Variants in SUCO observed in about 807,000 individuals in gnomAD.
SUCO encodes the protein SUN domain-containing ossification factor.
Under a neutral mutation model 148.1 loss-of-function variants are expected in SUCO, and 57 were observed. That is an observed-to-expected ratio of 0.38 (90% confidence interval 0.31 to 0.48). SUCO has a LOEUF of 0.48. SUCO is among the 20% of genes least tolerant of loss of function. The pLI, the probability that SUCO is intolerant of heterozygous loss-of-function variation, is 0.96. For synonymous variants in SUCO, 470 were observed against 502.7 expected (o/e 0.93, Z 0.87); for missense variants, 1,331 against 1,468.2 (o/e 0.91, Z 1.53).
At chr1:172,556,497 T>C (rs759140477) in intron 4 of SUCO, 61 of 523,094 alleles carry the variant, frequency 1.2e-4, no homozygotes, top group Non-Finnish European at 1.4e-4. Flanking sequence ...AAATTTGTTA[T>C]GTACTTCTCC....
chr1:172,538,951 C>T (rs1027991049), intron 1 of SUCO, among the ~76,000 whole-genome samples: 5 of 152,090 alleles, frequency 3.3e-5, no homozygotes, highest in Non-Finnish European at 7.4e-5. Context: ...CGGCAAATGA[C>T]GTGTTTCATG....
At chr1:172,533,007 G>A, upstream of SUCO, 2 of 1,422,032 alleles carry the variant, frequency 1.4e-6, no homozygotes, top group South Asian at 3.0e-5. Flanking sequence ...GGGCGCCGCG[G>A]GACTTGGGTG....
intron 9 of SUCO, among the ~76,000 whole-genome samples, chr1:172,572,244 T>C (rs1655073394): frequency 6.6e-6 from 1 of 150,564 alleles, no homozygotes; most frequent in African/African-American, 2.4e-5. Context: ...AATGGTGGTT[T>C]TGTGGAATAG....
At chr1:172,603,263 A>G (rs1657649671) in intron 22 of SUCO, 1 of 153,658 alleles carries the variant, frequency 6.5e-6, no homozygotes, top group East Asian at 1.9e-4. Flanking sequence ...CTAACACTAA[A>G]TAAATACTTA....
intron 15 of SUCO, among the ~76,000 whole-genome samples, chr1:172,582,027 C>T (rs1655914770): frequency 6.6e-6 from 1 of 152,190 alleles, no homozygotes; most frequent in Admixed American, 6.5e-5. Flanking sequence ...TCTTTTACAT[C>T]AGCAAGATTT....
At chr1:172,550,834 G>A (rs556212684) in intron 1 of SUCO, 122 of 889,516 alleles carry the variant, frequency 1.4e-4, no homozygotes, top group African/African-American at 1.3e-3. Context: ...GGATATAATC[G>A]TAACATATTT....
At chr1:172,566,342 G>A (rs1021277146) in intron 6 of SUCO, among the ~76,000 whole-genome samples, 4 of 152,096 alleles carry the variant, frequency 2.6e-5, no homozygotes, top group Non-Finnish European at 4.4e-5. Flanking sequence ...ATTGGCTCTT[G>A]CCAATCACCT....
chr1:172,554,137 C>G (rs1476993371), intron 3 of SUCO, among the ~76,000 whole-genome samples: 2 of 151,950 alleles, frequency 1.3e-5, no homozygotes, highest in Non-Finnish European at 2.9e-5. Context: ...AGAGCCAGGG[C>G]TATTTTATAA....
intron 1 of SUCO, among the ~76,000 whole-genome samples, chr1:172,535,162 G>A (rs929058484): frequency 6.6e-6 from 1 of 152,144 alleles, no homozygotes; most frequent in Non-Finnish European, 1.5e-5. Flanking sequence ...CCCTGTTAGG[G>A]AACAAATCGG....
At chr1:172,569,279 C>G in intron 7 of SUCO, 137 bp downstream of exon 7, 1 of 1,049,806 alleles carries the variant, frequency 9.5e-7, no homozygotes, top group Non-Finnish European at 1.3e-6. Context: ...AACCAAGTTG[C>G]TGTTGATCCA....
chr1:172,536,776 G>A (rs1571167589), intron 1 of SUCO, among the ~76,000 whole-genome samples: 1 of 152,136 alleles, frequency 6.6e-6, no homozygotes, highest in East Asian at 1.9e-4. Flanking sequence ...GAGGCTCTGA[G>A]GGGAGAATCT....
In SUCO at chr1:172,570,106, A is replaced by T; in HGVS notation, c.916A>T (p.Asn306Tyr). 6.3e-7 allele frequency: 1 copy of T among 1,596,338 alleles called. No individual in the cohort carries two copies. The change falls in exon 8 of 24, where the codon AAT becomes TAT. Residue 306 changes from asparagine (N) to tyrosine (Y), a missense_variant. Physicochemically the swap from Asn to Tyr is moderately radical, Grantham distance 143. This residue lies in a region of SUCO where 992 missense variants were observed against 1,093.5 expected (regional missense o/e 0.91). Transcript: ENST00000263688. ...ACATGCCACCAAAAAGGTCCAGAAA[A>T]ATCGAAATAATTATGCCTCAGTAGA... The part of the protein sequence containing the change: ...GSHATKKVQK[N>Y]RNNYASVECG...
intron 20 of SUCO, among the ~76,000 whole-genome samples, chr1:172,601,360 A>G (rs1319778936): frequency 1.3e-5 from 2 of 152,010 alleles, no homozygotes; most frequent in African/African-American, 2.4e-5. Flanking sequence ...GTGTGGTGGC[A>G]TGTGCCTGTA....
At chr1:172,584,111 A>G (rs745754926) in intron 15 of SUCO, among the ~76,000 whole-genome samples, 9 of 152,188 alleles carry the variant, frequency 5.9e-5, no homozygotes, top group African/African-American at 1.9e-4. Flanking sequence ...GTTTTGGTCA[A>G]TGAGTTTTTT....
intron 1 of SUCO, chr1:172,541,932 TG>T: frequency 1.3e-6 from 1 of 743,148 alleles, no homozygotes; most frequent in Non-Finnish European, 1.6e-6. Context: ...TGTTTTAACT[TG>T]GGCAACTAGA....
chr1:172,571,664 GC>G (rs1655004062), intron 9 of SUCO, among the ~76,000 whole-genome samples: 1 of 123,460 alleles, frequency 8.1e-6, no homozygotes, highest in Non-Finnish European at 1.7e-5. Context: ...GAGCTTCTCT[GC>G]CCGGCCGCCC....
intron 6 of SUCO, among the ~76,000 whole-genome samples, chr1:172,567,940 C>G (rs543693780): frequency 6.6e-6 from 1 of 152,148 alleles, no homozygotes; most frequent in South Asian, 2.1e-4. Flanking sequence ...AGGAACCAGG[C>G]GCACGACAGG....
At chr1:172,609,524 T>C in intron 23 of SUCO, 1 of 964,370 alleles carries the variant, frequency 1.0e-6, no homozygotes, top group Non-Finnish European at 1.2e-6. Context: ...AAGCAACCTG[T>C]ATGCTCTCTG....
intron 1 of SUCO, chr1:172,542,811 G>A: frequency 1.0e-6 from 1 of 985,372 alleles, no homozygotes; most frequent in Non-Finnish European, 1.2e-6. Context: ...TGAAAGAAAG[G>A]AGGAAACTGG....
Sources: gnomAD v4.1 joint callset for allele counts (sites outside exome capture counted in the v4.1 genomes callset) on GRCh38, gnomAD v4.1.1 for gene constraint, gnomAD v4.1.1 regional missense constraint, MANE v1.5 for transcripts, NCBI Gene and HGNC (gene_info 2026-07-23, HGNC 2026-07-21) for gene names.